ANOS1: variants seen among roughly 807,000 people sequenced by gnomAD.
The protein encoded by ANOS1 is anosmin 1.
ANOS1 carries 6 observed loss-of-function variants against 59.0 expected under a neutral mutation model. The ratio of observed to expected loss-of-function variants is 0.10; its 90% CI spans 0.06 to 0.20. The LOEUF is 0.20. Among genes scored for constraint, ANOS1 ranks in the 10% least tolerant of loss-of-function variants. The pLI, the probability that ANOS1 is intolerant of heterozygous loss-of-function variation, is 1.00. For missense variants in ANOS1, 433 were observed against 542.3 expected, an observed-to-expected ratio of 0.80 and a Z score of 2.00; for synonymous variants, 217 against 223.4, an observed-to-expected ratio of 0.97 and a Z score of 0.25.
At chrX:8,566,856 T>C (rs1401675790) in intron 8 of ANOS1, among the ~76,000 whole-genome samples, 2 of 111,905 alleles carry the variant, frequency 1.8e-5, no homozygotes, top group African/African-American at 6.5e-5. Context: ...AAGGTAATTA[T>C]GAGCAACCCC....
intron 6 of ANOS1, among the ~76,000 whole-genome samples, chrX:8,578,533 A>T (rs977281288): frequency 9.0e-6 from 1 of 111,323 alleles, no homozygotes; most frequent in Non-Finnish European, 1.9e-5. Context: ...TTTTACTGAC[A>T]CTCTGTAATG....
intron 1 of ANOS1, among the ~76,000 whole-genome samples, chrX:8,712,675 C>T (rs761648289): frequency 8.9e-6 from 1 of 112,757 alleles, no homozygotes. Context: ...GTCCATCTCA[C>T]TGACAATGGT....
intron 2 of ANOS1, among the ~76,000 whole-genome samples, chrX:8,640,714 G>A (rs1931649941): frequency 9.1e-6 from 1 of 109,884 alleles, no homozygotes; most frequent in African/African-American, 3.3e-5. Context: ...ATAATTGGGA[G>A]ACATTGCTAC....
In ANOS1 at chrX:8,531,765, G is replaced by A. The variant is rs1359726119; in HGVS notation, c.*1230C>T. 9.0e-6 allele frequency: 1 copy of A among 110,707 alleles called. No individual in the cohort carries two copies. The highest frequency in any genetic ancestry group is 1.9e-5 in the Non-Finnish European group (1 of 52,864). The allele number at this position is 110,707 out of a possible 1,213,427, so 9.1% of individuals were successfully genotyped here. A position where few individuals can be genotyped will look rare whatever the true frequency, so the allele number is the denominator to read the frequency against. On this transcript the variant is annotated 3_prime_UTR_variant, in exon 14 of 14. Coordinates refer to ENST00000262648, the MANE Select transcript of ANOS1 (RefSeq NM_000216.4). Reference sequence around the variant, plus strand: ...TAATTATATAGACATGCATATCTATGCACATTTCAAACCATGTATGTGAGT... The same window carrying A: ...TAATTATATAGACATGCATATCTATACACATTTCAAACCATGTATGTGAGT...
At chrX:8,622,975 T>C (rs1307345349) in intron 3 of ANOS1, among the ~76,000 whole-genome samples, 1 of 110,541 alleles carries the variant, frequency 9.0e-6, no homozygotes. Flanking sequence ...TAGATATAGA[T>C]AGATAATAGA....
At chrX:8,534,565 A>T in intron 12 of ANOS1, 105 bp from the exon 13 acceptor site, 1 of 837,162 alleles carries the variant, frequency 1.2e-6, no homozygotes, top group Non-Finnish European at 1.8e-6. Flanking sequence ...AGAATATCAT[A>T]CACAGGCAAG....
Position 8,587,782 on chromosome X carries a change from T to C in ANOS1, c.726+12A>G. 2.5e-6 allele frequency: 3 copies of C among 1,185,984 alleles called. No individual in the cohort carries two copies. Among genetic ancestry groups the C allele is most frequent in the Non-Finnish European group, 3.4e-6 (3 of 876,572 alleles). ...TCCAGGATGAAAATCAAAGTCTATA[T>C]GAGGTTCTTACCTGGGCCACTGTCT... On this transcript the variant is annotated intron_variant, in intron 5 of 13. Transcript: ENST00000262648.
rs1423034647 is a variant in ANOS1 at position 8,570,499 on chromosome X, C to T, written c.1062G>A (p.Gly354=). The change falls in exon 7 of 14, where the codon GGG becomes GGA. Residue 354 remains glycine (G), a splice_region_variant and synonymous_variant. Coordinates refer to ENST00000262648, the MANE Select transcript of ANOS1 (RefSeq NM_000216.4). ...AATCCTTCCTCCAGTTCCCACTCACCCCATCCGTAGTCTTTCTCCGCTTCT... is the reference window on the plus strand; with the variant it reads ...AATCCTTCCTCCAGTTCCCACTCACTCCATCCGTAGTCTTTCTCCGCTTCT... ...TKKKRRKTTD[G]FQNSVILEKL... is the part of the protein sequence containing the mutation. 2 of 1,202,816 alleles carry T rather than the reference C, an allele frequency of 1.7e-6. No homozygotes were observed. Among genetic ancestry groups the T allele is most frequent in the Non-Finnish European group, 2.3e-6 (2 of 888,841 alleles).
intron 2 of ANOS1, among the ~76,000 whole-genome samples, chrX:8,645,042 T>G (rs917038509): frequency 1.8e-5 from 2 of 112,843 alleles, no homozygotes; most frequent in East Asian, 2.8e-4. Flanking sequence ...AATAAACCTC[T>G]ACATTGATTG....
intron 5 of ANOS1, among the ~76,000 whole-genome samples, chrX:8,585,627 A>G (rs952403900): frequency 1.8e-5 from 2 of 112,157 alleles, no homozygotes; most frequent in African/African-American, 6.5e-5. Flanking sequence ...AAACCTTATG[A>G]CAAGAGCTTG....
intron 2 of ANOS1, among the ~76,000 whole-genome samples, chrX:8,677,091 T>C (rs1481541060): frequency 8.9e-6 from 1 of 111,863 alleles, no homozygotes; most frequent in East Asian, 2.8e-4. Flanking sequence ...AGTTTCTAGC[T>C]ACCTAGGACA....
At chrX:8,637,581 G>T (rs1415396062) in intron 2 of ANOS1, among the ~76,000 whole-genome samples, 1 of 112,176 alleles carries the variant, frequency 8.9e-6, no homozygotes, top group East Asian at 2.8e-4. Context: ...GCCACATGGG[G>T]CTACTGAGCA....
intron 8 of ANOS1, chrX:8,566,077 G>A (rs1930107019): frequency 5.3e-6 from 4 of 754,019 alleles, no homozygotes; most frequent in Non-Finnish European, 6.3e-6. Context: ...ACGCTGCTGC[G>A]TTTGTGTGGA....
chrX:8,566,575 G>A (rs1930118183), intron 8 of ANOS1, among the ~76,000 whole-genome samples: 1 of 111,153 alleles, frequency 9.0e-6, no homozygotes, highest in African/African-American at 3.3e-5. Context: ...ACACAGTGAT[G>A]TCATAATTCA....
intron 9 of ANOS1, among the ~76,000 whole-genome samples, chrX:8,541,416 C>G (rs773126846): frequency 6.9e-5 from 7 of 101,509 alleles, no homozygotes; most frequent in Non-Finnish European, 1.0e-4. Context: ...ACCACCCCCC[C>G]CCCAAAAACA....
rs1284012357 is a variant in ANOS1 at position 8,529,044 on chromosome X, T to G, written c.*3951A>C. 1 of 112,267 alleles carries G rather than the reference T, an allele frequency of 8.9e-6. No homozygotes were observed. The highest frequency in any genetic ancestry group is 3.2e-5 in the African/African-American group (1 of 30,860). 9.3% of individuals were successfully genotyped at this position (112,267 alleles called of 1,213,427 possible). A position where few individuals can be genotyped will look rare whatever the true frequency, so the allele number is the denominator to read the frequency against. ...GACAGACATACACAAAAATCCAACTTTTTTTATTACATACATAAATAAATA... is the reference window on the plus strand; with the variant it reads ...GACAGACATACACAAAAATCCAACTGTTTTTATTACATACATAAATAAATA... On this transcript the variant is annotated 3_prime_UTR_variant, in exon 14 of 14. Coordinates refer to ENST00000262648, the MANE Select transcript of ANOS1 (RefSeq NM_000216.4).
intron 2 of ANOS1, among the ~76,000 whole-genome samples, chrX:8,685,516 AAGAGAAAGAG>A (rs1174639967): frequency 2.9e-5 from 3 of 105,046 alleles, no homozygotes; most frequent in Admixed American, 1.1e-4. Flanking sequence ...AAGAGAAAGA[AAGAGAAAGAG>A]AGAGAAAGAG....
chrX:8,680,162 CA>C (rs754341783), intron 2 of ANOS1, among the ~76,000 whole-genome samples: 926 of 28,492 alleles, frequency 0.033, 9 homozygotes, highest in African/African-American at 0.085. Context: ...GAGACTCCAT[CA>C]AAAAAAAAAA....
In ANOS1 at chrX:8,546,232, T is replaced by C. The variant is rs751027209; in HGVS notation, c.1355-6474A>G. On this transcript the variant is annotated intron_variant, in intron 9 of 13. Coordinates refer to ENST00000262648, the MANE Select transcript of ANOS1 (RefSeq NM_000216.4). ...GGGGAAACTTTGGTTTGGGATTCTG[T>C]AGATCATGTGGTGAGTACATAAAAG... is the stretch of plus-strand genomic sequence containing the variant. 4.5e-5 allele frequency among the ~76,000 whole-genome samples: 5 copies of C among 112,063 alleles called. No homozygotes were observed. In the East Asian group the frequency reaches 1.4e-3, roughly 32 times the overall value.
Sources: gnomAD v4.1 joint callset for allele counts (sites outside exome capture counted in the v4.1 genomes callset) on GRCh38, gnomAD v4.1.1 for gene constraint, MANE v1.5 for transcripts, NCBI Gene and HGNC (gene_info 2026-07-23, HGNC 2026-07-21) for gene names.